PDE1C: variants seen among roughly 807,000 people sequenced by gnomAD.
The protein encoded by PDE1C is dual specificity calcium/calmodulin-dependent 3',5'-cyclic nucleotide phosphodiesterase 1C.
A neutral mutation model predicts 93.1 loss-of-function variants in PDE1C; 62 were observed. That is an observed-to-expected ratio of 0.67 (90% CI 0.54 to 0.82). The LOEUF (loss-of-function observed/expected upper bound fraction) is 0.82. Among genes scored for constraint, PDE1C ranks in the 40% least tolerant of loss-of-function variants. The pLI is 0.00. For missense variants in PDE1C, 742 were observed against 884.6 expected (o/e 0.84, Z 2.04); for synonymous variants, 325 against 310.1 (o/e 1.05, Z -0.50).
the PDE1C span, among the ~76,000 whole-genome samples, chr7:31,638,457 G>A: frequency 1.3e-5 from 2 of 152,140 alleles, no homozygotes; most frequent in Non-Finnish European, 2.9e-5. Flanking sequence ...AATAACAGGT[G>A]TTTATGTTTG....
In PDE1C at chr7:32,323,755, A is replaced by G. The variant is rs115076441; in HGVS notation, c.310+104067T>C. 3.6e-3 allele frequency among the ~76,000 whole-genome samples: 550 copies of G among 152,342 alleles called. 4 individuals carry two copies. Among genetic ancestry groups the G allele is most frequent in the African/African-American group, 0.012 (514 of 41,578 alleles). Reference sequence around the variant, plus strand: ...CAAAACCTTCAGACAATGCCCAATTAGGACCTGAGGATGAAGCAGAAAGTC... The same window carrying G: ...CAAAACCTTCAGACAATGCCCAATTGGGACCTGAGGATGAAGCAGAAAGTC... On this transcript the variant is annotated intron_variant, in intron 1 of 1. Transcript: ENST00000672256.
At chr7:32,019,916 G>T (rs916631947) in intron 2 of PDE1C, among the ~76,000 whole-genome samples, 1 of 152,042 alleles carries the variant, frequency 6.6e-6, no homozygotes, top group African/African-American at 2.4e-5. Context: ...TCTAAGGGTG[G>T]ATATATAGGT....
chr7:31,701,005 C>A, the PDE1C span, among the ~76,000 whole-genome samples: 2 of 152,172 alleles, frequency 1.3e-5, no homozygotes, highest in Non-Finnish European at 2.9e-5. Flanking sequence ...TGTTTTCATG[C>A]CTGCTAATGT....
intron 2 of PDE1C, among the ~76,000 whole-genome samples, chr7:32,044,505 A>G (rs529573030): frequency 1.3e-3 from 192 of 152,280 alleles, no homozygotes; most frequent in African/African-American, 4.5e-3. Flanking sequence ...AGAAGGCACA[A>G]TCAGAGGAGC....
At chr7:31,775,872 T>G in intron 16 of PDE1C, 140 bp from the exon 17 acceptor site, 1 of 696,406 alleles carries the variant, frequency 1.4e-6, no homozygotes. Flanking sequence ...TGCAGGGTGG[T>G]GCATATTCTG....
chr7:32,362,461 C>A (rs1784154379), intron 1 of PDE1C, among the ~76,000 whole-genome samples: 1 of 152,082 alleles, frequency 6.6e-6, no homozygotes, highest in African/African-American at 2.4e-5. Flanking sequence ...TCACCAGGAG[C>A]AAAATATCCC....
intron 2 of PDE1C, among the ~76,000 whole-genome samples, chr7:31,913,954 T>C (rs1801572198): frequency 6.6e-6 from 1 of 152,184 alleles, no homozygotes; most frequent in African/African-American, 2.4e-5. Flanking sequence ...GTATGCCAGC[T>C]AGATCTACAG....
At chr7:31,699,256 T>C in the PDE1C span, among the ~76,000 whole-genome samples, 1 of 152,116 alleles carries the variant, frequency 6.6e-6, no homozygotes, top group Non-Finnish European at 1.5e-5. Flanking sequence ...CCTTACCTCA[T>C]TTAACACTGA....
Position 32,310,905 on chromosome 7 carries a change from A to G in PDE1C, c.311-101366T>C, listed in dbSNP as rs543113987. 1.1e-3 allele frequency among the ~76,000 whole-genome samples: 162 copies of G among 152,348 alleles called. 2 individuals are homozygous for G. The highest frequency in any genetic ancestry group is 1.8e-3 in the Non-Finnish European group (123 of 68,042). ...GAAGGCAAGAAATAACTAAAATTAG[A>G]GCAGAACTGAAGGAAATAGAGACAC... On this transcript the variant is annotated intron_variant, in intron 1 of 1. Transcript: ENST00000672256.
chr7:32,177,339 G>A (rs147720469), intron 2 of PDE1C, among the ~76,000 whole-genome samples: 5 of 152,270 alleles, frequency 3.3e-5, no homozygotes, highest in East Asian at 1.9e-4. Context: ...ATGTCAAGTC[G>A]TCATCCCGTG....
chr7:31,941,807 G>A (rs921230126), intron 2 of PDE1C, among the ~76,000 whole-genome samples: 1 of 152,136 alleles, frequency 6.6e-6, no homozygotes, highest in African/African-American at 2.4e-5. Flanking sequence ...TTTGTCACTT[G>A]TGATATTATG....
the PDE1C span, among the ~76,000 whole-genome samples, chr7:31,685,554 C>G: frequency 2.0e-5 from 3 of 152,124 alleles, no homozygotes; most frequent in African/African-American, 7.2e-5. Context: ...ACTGAAGATG[C>G]TGCTAACTCA....
rs368028511 is a variant in PDE1C, at chr7:32,337,117, G to A, written c.310+90705C>T. On this transcript the variant is annotated intron_variant, in intron 1 of 1. Coordinates refer to the PDE1C transcript ENST00000672256. ...TATTCATAACCTCTTGCCTAGAGAGGCTCCCTACCTCTGGTCTCCTCCCTT... is the reference window on the plus strand; with the variant it reads ...TATTCATAACCTCTTGCCTAGAGAGACTCCCTACCTCTGGTCTCCTCCCTT... Among the ~76,000 whole-genome samples the A allele has an allele frequency of 7.9e-5, 12 of 151,858 alleles. 1 individual carries two copies. The highest frequency in any genetic ancestry group is 3.3e-4 in the Admixed American group (5 of 15,240).
rs1585095434 is a variant in PDE1C at position 32,298,776 on chromosome 7, G to C, written c.-41C>G. On this transcript the variant is annotated 5_prime_UTR_variant, in exon 1 of 19. Transcript: ENST00000396193. ...GCAGGGGCCTCGCAGCGAGACCAGC[G>C]GCGTCTGCGGTCCCCCCCACGGCGG... 5.2e-6 allele frequency: 8 copies of C among 1,552,024 alleles called. No individual in the cohort carries two copies. In the African/African-American group the frequency reaches 8.2e-5, roughly 16 times the overall value.
chr7:31,917,850 G>A (rs1456098440), intron 2 of PDE1C, among the ~76,000 whole-genome samples: 4 of 152,136 alleles, frequency 2.6e-5, no homozygotes, highest in Admixed American at 6.6e-5. Flanking sequence ...CTATACCTCT[G>A]CTCTGGGAAA....
At chr7:32,145,243 G>C (rs1800770198) in intron 3 of PDE1C, among the ~76,000 whole-genome samples, 1 of 152,196 alleles carries the variant, frequency 6.6e-6, no homozygotes, top group Non-Finnish European at 1.5e-5. Context: ...CGAGGGACCT[G>C]AGCCAAACCA....
At chr7:31,664,138 A>G in the PDE1C span, among the ~76,000 whole-genome samples, 1 of 152,188 alleles carries the variant, frequency 6.6e-6, no homozygotes, top group Non-Finnish European at 1.5e-5. Flanking sequence ...ACCACTGTCC[A>G]GTATAACCAT....
chr7:31,932,586 G>A lies in PDE1C; in HGVS notation c.129-51726C>T, dbSNP rs142348608. On this transcript the variant is annotated intron_variant, in intron 2 of 17. Transcript: ENST00000396191. ...AACAACAGATGCGGGTGAGGATGTGGAGAAATAGGAATGCTTTTATACTGT... is the reference window on the plus strand; with the variant it reads ...AACAACAGATGCGGGTGAGGATGTGAAGAAATAGGAATGCTTTTATACTGT... Among the ~76,000 whole-genome samples the A allele has an allele frequency of 8.9e-3, 1,363 of 152,300 alleles. 22 individuals carry two copies. The highest frequency in any genetic ancestry group is 0.031 in the African/African-American group (1,277 of 41,556).
At chr7:31,837,755 A>G in intron 10 of PDE1C, 115 bp downstream of exon 10, 1 of 677,576 alleles carries the variant, frequency 1.5e-6, no homozygotes, top group Non-Finnish European at 2.6e-6. Context: ...ATCATTGCAT[A>G]AGAACACTCT....
Sources: gnomAD v4.1 joint callset for allele counts (sites outside exome capture counted in the v4.1 genomes callset) on GRCh38, gnomAD v4.1.1 for gene constraint, MANE v1.5 for transcripts, NCBI Gene and HGNC (gene_info 2026-07-23, HGNC 2026-07-21) for gene names.